Variants in SLC15A1 observed in about 807,000 individuals in gnomAD.
SLC15A1 encodes Caco-2 oligopeptide transporter.
A neutral mutation model predicts 92.9 loss-of-function variants in SLC15A1; 83 were observed. That is an observed-to-expected ratio of 0.89 (90% CI 0.75 to 1.07). SLC15A1 has a LOEUF of 1.07. Ranked by LOEUF, SLC15A1 falls within the 50% of genes least tolerant of loss-of-function variation. The pLI, the probability that SLC15A1 is intolerant of heterozygous loss-of-function variation, is 0.00. For synonymous variants in SLC15A1, 322 were observed against 318.2 expected, an observed-to-expected ratio of 1.01 and a Z score of -0.13; for missense variants, 857 against 880.1, an observed-to-expected ratio of 0.97 and a Z score of 0.33.
chr13:98,707,845 G>A (rs1252675180), intron 15 of SLC15A1, among the ~76,000 whole-genome samples: 3 of 132,684 alleles, frequency 2.3e-5, no homozygotes, highest in South Asian at 2.4e-4. Context: ...GAGCATGATC[G>A]CACCACTGCA....
intron 1 of SLC15A1, among the ~76,000 whole-genome samples, chr13:98,735,931 G>C (rs2088390154): frequency 6.6e-6 from 1 of 152,182 alleles, no homozygotes; most frequent in Non-Finnish European, 1.5e-5. Context: ...GTAATTTATA[G>C]ATTCAATGCC....
In SLC15A1 at chr13:98,733,082, C is replaced by T. The variant is rs1307032225; in HGVS notation, c.5-6223G>A. ...TGACTGCAATTGTTGGGGGAGGGGTCCCCAAGTCAGGGAATGTGGTGGCCT... is the reference window on the plus strand; with the variant it reads ...TGACTGCAATTGTTGGGGGAGGGGTTCCCAAGTCAGGGAATGTGGTGGCCT... On this transcript the variant is annotated intron_variant, in intron 1 of 22. Coordinates refer to ENST00000376503, the MANE Select transcript of SLC15A1 (RefSeq NM_005073.4). Among the ~76,000 whole-genome samples the T allele has an allele frequency of 2.6e-5, 4 of 152,038 alleles. No homozygotes were observed. The East Asian group carries it at 7.7e-4, about 29-fold the overall frequency.
intron 21 of SLC15A1, among the ~76,000 whole-genome samples, chr13:98,686,880 C>A (rs1404741863): frequency 1.3e-5 from 2 of 151,720 alleles, no homozygotes; most frequent in African/African-American, 4.8e-5. Flanking sequence ...ATTTGGGTAT[C>A]AATAAAACCT....
chr13:98,726,429 CA>C lies in SLC15A1; in HGVS notation c.41del (p.Leu14ArgfsTer24). 1 of 1,614,056 alleles carries C rather than the reference CA, an allele frequency of 6.2e-7. No homozygotes were observed. Among genetic ancestry groups the C allele is most frequent in the Non-Finnish European group, 8.5e-7 (1 of 1,179,990 alleles). Reference protein sequence around the residue: ...SKSHSFFGYPLSIFFIVVNEF... With the variant: ...SKSHSFFGYPXSIFFIVVNEF... ...CATTGACCACGATGAAGAAGATGCT[CA>C]GGGGATAACCAAAGAAACTCTGACA... On this transcript the variant is annotated frameshift_variant, in exon 3 of 23. Transcript: ENST00000376503. LOFTEE classifies it high-confidence loss of function.
At position 98,726,396 on chromosome 13, in the gene SLC15A1, G is replaced by C; in HGVS notation, c.75C>G (p.Cys25Trp). ...GCATTCCATAGTAGGAAAATCTTTC[G>C]CAAAACTCATTGACCACGATGAAGA... Reference protein sequence around the residue: ...SIFFIVVNEFCERFSYYGMRA... With the variant: ...SIFFIVVNEFWERFSYYGMRA... Residue 25 changes from cysteine (C) to tryptophan (W), a missense_variant, in exon 3 of 23, where the codon TGC becomes TGG. Transcript: ENST00000376503. 2 of 1,614,116 alleles carry C rather than the reference G, an allele frequency of 1.2e-6. No homozygotes were observed. Among genetic ancestry groups the C allele is most frequent in the African/African-American group, 1.3e-5 (1 of 74,994 alleles).
In SLC15A1 at chr13:98,719,159, T is replaced by TA; in HGVS notation, c.640+77dup. Reference sequence around the variant, plus strand: ...TTGTTGCCACTTGTTACATGCACTTTAAAAAATTAGTCACAATCATTCACG... The same window carrying TA: ...TTGTTGCCACTTGTTACATGCACTTTAAAAAAATTAGTCACAATCATTCACG... On this transcript the variant is annotated intron_variant, in intron 8 of 22. Transcript: ENST00000376503. 2.9e-6 allele frequency: 3 copies of TA among 1,027,746 alleles called. No individual in the cohort carries two copies. The South Asian group carries it at 4.4e-5, about 15-fold the overall frequency. The allele number at this position is 1,027,746 out of a possible 1,614,324, so 63.7% of individuals were successfully genotyped here.
intron 8 of SLC15A1, among the ~76,000 whole-genome samples, chr13:98,717,042 A>T (rs930228086): frequency 1.3e-5 from 2 of 152,224 alleles, no homozygotes; most frequent in South Asian, 2.1e-4. Context: ...AAAAATTTTT[A>T]AAAATTTAAA....
chr13:98,691,916 A>C (rs1006518993), intron 18 of SLC15A1, among the ~76,000 whole-genome samples: 1 of 152,074 alleles, frequency 6.6e-6, no homozygotes, highest in African/African-American at 2.4e-5. Context: ...TCTACTAAAA[A>C]TACAAAATTA....
chr13:98,699,701 G>C (rs184430164), intron 18 of SLC15A1, among the ~76,000 whole-genome samples: 1 of 152,304 alleles, frequency 6.6e-6, no homozygotes, highest in Admixed American at 6.5e-5. Flanking sequence ...CTGTTTTTCA[G>C]AGGGGCTACA....
chr13:98,692,878 C>T (rs745941508), intron 18 of SLC15A1, among the ~76,000 whole-genome samples: 4 of 152,018 alleles, frequency 2.6e-5, no homozygotes, highest in Admixed American at 6.6e-5. Context: ...TCCCGAGTAG[C>T]TGGGACACAC....
At chr13:98,738,030 A>G (rs1415410838) in intron 1 of SLC15A1, among the ~76,000 whole-genome samples, 2 of 152,256 alleles carry the variant, frequency 1.3e-5, no homozygotes, top group Non-Finnish European at 1.5e-5. Flanking sequence ...CATTGTGTCC[A>G]TGCCCTAGGA....
At chr13:98,695,064 T>C (rs2088011251) in intron 18 of SLC15A1, among the ~76,000 whole-genome samples, 1 of 150,110 alleles carries the variant, frequency 6.7e-6, no homozygotes, top group African/African-American at 2.4e-5. Context: ...TCAATATGGC[T>C]AAATACTAAA....
intron 18 of SLC15A1, among the ~76,000 whole-genome samples, chr13:98,691,611 T>G (rs1415655059): frequency 1.3e-5 from 2 of 152,186 alleles, no homozygotes; most frequent in African/African-American, 4.8e-5. Flanking sequence ...CCCTCCAATC[T>G]TATTGTGTTG....
At position 98,702,525 on chromosome 13, in the gene SLC15A1, T is replaced by G. The variant is rs777422699; in HGVS notation, c.1421A>C (p.Lys474Thr). 6.2e-7 allele frequency: 1 copy of G among 1,602,402 alleles called. No individual in the cohort carries two copies. The highest frequency in any genetic ancestry group is 1.1e-5 in the South Asian group (1 of 90,712). Reference protein sequence around the residue: ...VWAPNHYQVVKDGLNQKPEKG... With the variant: ...VWAPNHYQVVTDGLNQKPEKG... ...TTCTGGCTTCTGGTTAAGACCATCC[T>G]TTACCTGAGAGAGAAAACAGTAATG... is the stretch of plus-strand genomic sequence containing the variant. Residue 474 changes from lysine to threonine, a missense_variant, in exon 18 of 23, where the codon AAG (lysine) becomes ACG (threonine). Lys to Thr is a moderately conservative substitution (Grantham distance 78). Coordinates refer to ENST00000376503, the MANE Select transcript of SLC15A1 (RefSeq NM_005073.4).
chr13:98,746,636 T>A (rs2088495291), intron 1 of SLC15A1, among the ~76,000 whole-genome samples: 1 of 152,242 alleles, frequency 6.6e-6, no homozygotes, highest in Non-Finnish European at 1.5e-5. Flanking sequence ...ATTGTAGAAG[T>A]TCTAAATGCC....
intron 1 of SLC15A1, among the ~76,000 whole-genome samples, chr13:98,740,326 C>T (rs760067539): frequency 1.3e-5 from 2 of 152,172 alleles, no homozygotes; most frequent in East Asian, 1.9e-4. Flanking sequence ...GACTGTCCAC[C>T]GTCCACACCA....
chr13:98,726,319 G>A (rs762445229), intron 3 of SLC15A1, 49 bp downstream of exon 3: 3 of 1,613,566 alleles, frequency 1.9e-6, no homozygotes, highest in Non-Finnish European at 2.5e-6. Flanking sequence ...GACTGGTTAT[G>A]GCCACTCCCG....
At chr13:98,702,874 G>A (rs2088079528) in intron 17 of SLC15A1, among the ~76,000 whole-genome samples, 1 of 140,136 alleles carries the variant, frequency 7.1e-6, no homozygotes, top group Admixed American at 7.7e-5. Flanking sequence ...ATCATTTGTT[G>A]AAAATTATTC....
intron 17 of SLC15A1, 54 bp from the exon 18 acceptor site, chr13:98,702,583 T>C: frequency 7.5e-7 from 1 of 1,325,672 alleles, no homozygotes; most frequent in South Asian, 1.2e-5. Flanking sequence ...TTCATTAGAA[T>C]GAGTTCAGAT....
Sources: gnomAD v4.1 joint callset for allele counts (sites outside exome capture counted in the v4.1 genomes callset) on GRCh38, gnomAD v4.1.1 for gene constraint, MANE v1.5 for transcripts, NCBI Gene and HGNC (gene_info 2026-07-23, HGNC 2026-07-21) for gene names.